ERBB4: variants seen among roughly 807,000 people sequenced by gnomAD.
ERBB4 encodes the protein receptor tyrosine-protein kinase erbB-4.
ERBB4 carries 42 observed loss-of-function variants against 158.0 expected under a neutral mutation model. That is an observed-to-expected ratio of 0.27 (90% CI 0.21 to 0.34). The LOEUF (loss-of-function observed/expected upper bound fraction) is 0.34. Ranked by LOEUF, ERBB4 falls within the 10% of genes least tolerant of loss-of-function variation. The pLI is 1.00. For synonymous variants in ERBB4, 583 were observed against 558.7 expected, an observed-to-expected ratio of 1.04 and a Z score of -0.61; for missense variants, 1,333 against 1,624.1, an observed-to-expected ratio of 0.82 and a Z score of 3.08.
intron 2 of ERBB4, among the ~76,000 whole-genome samples, chr2:212,112,005 T>C (rs1312092002): frequency 2.0e-5 from 3 of 152,162 alleles, no homozygotes; most frequent in Non-Finnish European, 4.4e-5. Flanking sequence ...CTGCTGAATG[T>C]TTAATTCTTT....
Position 211,409,821 on chromosome 2 carries a change from G to T in ERBB4, c.3135+10620C>A, listed in dbSNP as rs78122521. On this transcript the variant is annotated intron_variant, in intron 25 of 27. Coordinates refer to ENST00000342788, the MANE Select transcript of ERBB4 (RefSeq NM_005235.3). ...CCCCTTAGAAGCACAAGGACACTGGGCTACAGGTTTTATATTTTCCAGTAT... is the reference window on the plus strand; with the variant it reads ...CCCCTTAGAAGCACAAGGACACTGGTCTACAGGTTTTATATTTTCCAGTAT... Among the ~76,000 whole-genome samples the T allele has an allele frequency of 8.1e-3, 1,239 of 152,238 alleles. 18 individuals are homozygous for T. The highest frequency in any genetic ancestry group is 0.028 in the African/African-American group (1,183 of 41,526).
rs1442303697 is a variant in ERBB4 at position 211,376,950 on chromosome 2, A to G, written c.*6665T>C. 8.6e-6 allele frequency: 2 copies of G among 233,230 alleles called. No homozygotes were observed. The highest frequency in any genetic ancestry group is 4.4e-5 in the African/African-American group (2 of 45,294). The allele number at this position is 233,230 out of a possible 1,614,324, so 14.4% of individuals were successfully genotyped here. On this transcript the variant is annotated 3_prime_UTR_variant, in exon 28 of 28. Transcript: ENST00000342788. ...CCCTCACACAGCTGCTCCGTTTAAT[A>G]ATCGACCCATTTAACAGCAGTACCA...
At chr2:211,439,498 G>A (rs1173390777) in intron 20 of ERBB4, among the ~76,000 whole-genome samples, 2 of 152,108 alleles carry the variant, frequency 1.3e-5, no homozygotes, top group East Asian at 3.9e-4. Context: ...TTTCATATAT[G>A]GCTTGTAATC....
chr2:212,099,334 T>TA (rs1367161258), intron 2 of ERBB4, among the ~76,000 whole-genome samples: 10 of 152,110 alleles, frequency 6.6e-5, no homozygotes, highest in Non-Finnish European at 1.3e-4. Context: ...TACCTTATTT[T>TA]ACTTACTAAA....
intron 25 of ERBB4, among the ~76,000 whole-genome samples, chr2:211,408,981 T>C (rs572450040): frequency 7.2e-5 from 11 of 152,308 alleles, no homozygotes; most frequent in South Asian, 6.2e-4. Context: ...TTTTTCAAAA[T>C]AGTACTTCGT....
At chr2:211,427,240 A>G (rs2063649388) in intron 22 of ERBB4, among the ~76,000 whole-genome samples, 1 of 152,128 alleles carries the variant, frequency 6.6e-6, no homozygotes, top group African/African-American at 2.4e-5. Flanking sequence ...CAATGCAAAA[A>G]AGGTAAAACT....
intron 5 of ERBB4, 71 bp downstream of exon 5, chr2:211,750,568 C>CA: frequency 1.6e-6 from 2 of 1,279,284 alleles, no homozygotes; most frequent in Non-Finnish European, 2.3e-6. Context: ...TGACCAGAGG[C>CA]ATGAAATGGA....
chr2:211,918,338 C>G (rs1178228632), intron 3 of ERBB4, among the ~76,000 whole-genome samples: 2 of 151,940 alleles, frequency 1.3e-5, no homozygotes, highest in Non-Finnish European at 2.9e-5. Flanking sequence ...TTTTTTATGT[C>G]TATACCCTTA....
intron 2 of ERBB4, among the ~76,000 whole-genome samples, chr2:212,057,123 T>G (rs1024105853): frequency 2.0e-5 from 3 of 152,156 alleles, no homozygotes; most frequent in Non-Finnish European, 2.9e-5. Flanking sequence ...AGGCAGCGGT[T>G]GCAATCCTAG....
intron 1 of ERBB4, among the ~76,000 whole-genome samples, chr2:212,480,843 C>T (rs1689659109): frequency 6.6e-6 from 1 of 152,180 alleles, no homozygotes; most frequent in African/African-American, 2.4e-5. Context: ...TATGATTATG[C>T]ACTTAGCAGC....
At chr2:212,492,790 G>A in intron 1 of ERBB4, among the ~76,000 whole-genome samples, 1 of 151,460 alleles carries the variant, frequency 6.6e-6, no homozygotes, top group South Asian at 2.1e-4. Context: ...TTTACTAAAA[G>A]AGAATATGTT....
chr2:211,427,118 A>G (rs1478958870), intron 22 of ERBB4, among the ~76,000 whole-genome samples: 1 of 152,130 alleles, frequency 6.6e-6, no homozygotes, highest in Non-Finnish European at 1.5e-5. Flanking sequence ...TGGAAGGAAT[A>G]ACCCACTTGA....
At chr2:212,174,465 A>C (rs1050468351) in intron 1 of ERBB4, among the ~76,000 whole-genome samples, 2 of 152,214 alleles carry the variant, frequency 1.3e-5, no homozygotes, top group Non-Finnish European at 2.9e-5. Context: ...ATGAAATGTG[A>C]CAAATTACCC....
chr2:212,468,813 C>G (rs1278031445), intron 1 of ERBB4, among the ~76,000 whole-genome samples: 1 of 152,182 alleles, frequency 6.6e-6, no homozygotes, highest in Non-Finnish European at 1.5e-5. Context: ...AAACATCCAG[C>G]AGAATTCAAA....
intron 20 of ERBB4, among the ~76,000 whole-genome samples, chr2:211,556,662 T>C (rs1373785536): frequency 6.6e-6 from 1 of 152,082 alleles, no homozygotes; most frequent in Non-Finnish European, 1.5e-5. Context: ...GCAAAGGAAC[T>C]GAAACCATAA....
At chr2:212,338,961 A>G (rs780207258) in intron 1 of ERBB4, among the ~76,000 whole-genome samples, 2 of 152,146 alleles carry the variant, frequency 1.3e-5, no homozygotes, top group Non-Finnish European at 2.9e-5. Flanking sequence ...GATAATTAAG[A>G]TGAAAATATC....
rs139908605 is a variant in ERBB4, at chr2:212,455,723, G to T, written c.82+82726C>A. 5.2e-3 allele frequency among the ~76,000 whole-genome samples: 797 copies of T among 152,146 alleles called. 33 individuals carry two copies. Among genetic ancestry groups the T allele is most frequent in the Admixed American group, 0.049 (751 of 15,276 alleles). On this transcript the variant is annotated intron_variant, in intron 1 of 27. Coordinates refer to ENST00000342788, the MANE Select transcript of ERBB4 (RefSeq NM_005235.3). ...TTTTTACTTTATTGGATAGAAAAAT[G>T]AGTTTTTAAAGTGTTACTTTTTAAA... is the stretch of plus-strand genomic sequence containing the variant.
intron 19 of ERBB4, among the ~76,000 whole-genome samples, chr2:211,577,612 C>A (rs2067930220): frequency 6.6e-6 from 1 of 152,082 alleles, no homozygotes; most frequent in African/African-American, 2.4e-5. Flanking sequence ...GCTTATCCAC[C>A]ATGATCAAAC....
chr2:211,690,783 T>C (rs1448979333), intron 12 of ERBB4, among the ~76,000 whole-genome samples: 1 of 151,690 alleles, frequency 6.6e-6, no homozygotes, highest in Admixed American at 6.6e-5. Flanking sequence ...AGTGAAGGAG[T>C]GGAAGGGCTC....
Sources: allele counts gnomAD v4.1 joint callset (sites outside exome capture counted in the v4.1 genomes callset), GRCh38; gene constraint gnomAD v4.1.1; transcripts MANE v1.5; gene names NCBI Gene and HGNC (gene_info 2026-07-23, HGNC 2026-07-21).